CCDC192: variants seen among roughly 807,000 people sequenced by gnomAD.
CCDC192 encodes coiled-coil domain-containing protein 192.
chr5:127,715,897 G>A (rs188375689), intron 2 of CCDC192, among the ~76,000 whole-genome samples: 275 of 152,206 alleles, frequency 1.8e-3, no homozygotes, highest in African/African-American at 6.4e-3. Context: ...TCTTTCTACT[G>A]CCTAATTGTT....
chr5:127,718,531 T>C (rs1216474981), intron 2 of CCDC192, among the ~76,000 whole-genome samples: 1 of 152,174 alleles, frequency 6.6e-6, no homozygotes, highest in East Asian at 1.9e-4. Flanking sequence ...TATGAGGGTG[T>C]TGAGGAGTTT....
rs376449825 is a variant in CCDC192 at position 127,846,054 on chromosome 5, GC to G, written c.412-29483del. On this transcript the variant is annotated intron_variant, in intron 5 of 6. Coordinates refer to ENST00000514853, the MANE Select transcript of CCDC192 (RefSeq NM_001317938.2). ...TCCTGTAATCCCAGCACTTTGGCAG[GC>G]TGAGGCAGGTGGATCATGAGGTCAG... Among the ~76,000 whole-genome samples, 145 of 152,228 alleles carry G rather than the reference GC, an allele frequency of 9.5e-4. 3 individuals carry two copies. In the South Asian group the frequency reaches 0.028, roughly 30 times the overall value.
intron 3 of CCDC192, among the ~76,000 whole-genome samples, chr5:127,770,955 A>C (rs953579406): frequency 6.6e-6 from 1 of 152,158 alleles, no homozygotes; most frequent in East Asian, 1.9e-4. Context: ...CCAATCTTTT[A>C]ATAATTCTAT....
chr5:127,838,687 GA>G (rs1750143252), intron 5 of CCDC192: 1 of 152,172 alleles, frequency 6.6e-6, no homozygotes, highest in Admixed American at 6.6e-5. Flanking sequence ...CCAGTACTGA[GA>G]AGAGGTGAAA....
intron 2 of CCDC192, among the ~76,000 whole-genome samples, chr5:127,739,119 C>T (rs1278957823): frequency 6.6e-6 from 1 of 152,024 alleles, no homozygotes; most frequent in Admixed American, 6.5e-5. Context: ...GTGTGGATGT[C>T]CTTTCTGTTT....
intron 6 of CCDC192, among the ~76,000 whole-genome samples, chr5:127,929,701 C>A (rs769519925): frequency 6.6e-6 from 1 of 152,166 alleles, no homozygotes; most frequent in Non-Finnish European, 1.5e-5. Flanking sequence ...ATAGCCCTAA[C>A]AATACTATTA....
intron 6 of CCDC192, among the ~76,000 whole-genome samples, chr5:127,879,853 G>A (rs1752276034): frequency 6.9e-6 from 1 of 144,474 alleles, no homozygotes; most frequent in Non-Finnish European, 1.5e-5. Context: ...ATCATCACTG[G>A]CCATCAGAGA....
chr5:127,888,023 A>AT, intron 6 of CCDC192, among the ~76,000 whole-genome samples: 1 of 152,226 alleles, frequency 6.6e-6, no homozygotes, highest in Non-Finnish European at 1.5e-5. Flanking sequence ...TTTTTTAAAG[A>AT]TTAACAAGCT....
chr5:127,726,847 G>A (rs1014896188), intron 2 of CCDC192, among the ~76,000 whole-genome samples: 3 of 152,188 alleles, frequency 2.0e-5, no homozygotes, highest in Non-Finnish European at 4.4e-5. Flanking sequence ...CAGGCAGTCT[G>A]GAGGAGTGGG....
At chr5:127,765,048 G>C (rs1200340896) in intron 3 of CCDC192, among the ~76,000 whole-genome samples, 1 of 152,194 alleles carries the variant, frequency 6.6e-6, no homozygotes, top group Non-Finnish European at 1.5e-5. Flanking sequence ...AGTGTATAGT[G>C]ACATGCAGTG....
chr5:127,830,181 G>C (rs1749721040), intron 5 of CCDC192, among the ~76,000 whole-genome samples: 1 of 152,040 alleles, frequency 6.6e-6, no homozygotes, highest in Non-Finnish European at 1.5e-5. Context: ...AAAAATCAAG[G>C]ATTCCTGTAG....
At chr5:127,899,823 T>A (rs1346497807) in intron 6 of CCDC192, among the ~76,000 whole-genome samples, 1 of 152,216 alleles carries the variant, frequency 6.6e-6, no homozygotes, top group Admixed American at 6.5e-5. Context: ...AATGTACAGC[T>A]GTCCCATAGG....
intron 2 of CCDC192, among the ~76,000 whole-genome samples, chr5:127,711,082 C>G (rs1751305540): frequency 6.6e-6 from 1 of 152,090 alleles, no homozygotes; most frequent in African/African-American, 2.4e-5. Flanking sequence ...AAGGGTTGGC[C>G]AAAATAGGAT....
intron 2 of CCDC192, among the ~76,000 whole-genome samples, chr5:127,726,133 T>A: frequency 6.6e-6 from 1 of 152,140 alleles, no homozygotes; most frequent in East Asian, 1.9e-4. Flanking sequence ...AATGGACTTG[T>A]GTGATAATTG....
intron 5 of CCDC192, among the ~76,000 whole-genome samples, chr5:127,833,092 G>A (rs1749876722): frequency 6.6e-6 from 1 of 152,110 alleles, no homozygotes; most frequent in African/African-American, 2.4e-5. Flanking sequence ...CTCTTATTCA[G>A]AAAATATAGA....
At chr5:127,761,646 T>C (rs914690370) in intron 3 of CCDC192, among the ~76,000 whole-genome samples, 4 of 152,228 alleles carry the variant, frequency 2.6e-5, no homozygotes, top group African/African-American at 9.6e-5. Context: ...ATCAAGGTTC[T>C]TGGGGCTCAG....
At chr5:127,761,587 T>C (rs1417026419) in intron 3 of CCDC192, among the ~76,000 whole-genome samples, 2 of 152,272 alleles carry the variant, frequency 1.3e-5, no homozygotes, top group East Asian at 3.9e-4. Flanking sequence ...TCCTGTTGTT[T>C]TTGATATGAA....
chr5:127,737,453 G>A (rs968979983), intron 2 of CCDC192, among the ~76,000 whole-genome samples: 1 of 151,736 alleles, frequency 6.6e-6, no homozygotes, highest in Non-Finnish European at 1.5e-5. Context: ...GGTCCGCTTG[G>A]TGCAGAGCTG....
intron 2 of CCDC192, among the ~76,000 whole-genome samples, chr5:127,741,154 A>G (rs1174290993): frequency 1.3e-5 from 2 of 152,096 alleles, no homozygotes; most frequent in African/African-American, 4.8e-5. Flanking sequence ...TCCACTTCCC[A>G]GGCCCAAGCA....
Sources: gnomAD v4.1 joint callset for allele counts (sites outside exome capture counted in the v4.1 genomes callset) on GRCh38, gnomAD v4.1.1 for gene constraint, MANE v1.5 for transcripts, NCBI Gene and HGNC (gene_info 2026-07-23, HGNC 2026-07-21) for gene names.